DGKB: variants seen among roughly 807,000 people sequenced by gnomAD.
DGKB encodes 90 kDa diacylglycerol kinase.
In DGKB, 67 loss-of-function variants were observed where a neutral mutation model predicts 114.3. The observed-to-expected ratio is 0.59, with a 90% CI of 0.48 to 0.72. DGKB has a LOEUF of 0.72. Ranked by LOEUF, DGKB falls within the 30% of genes least tolerant of loss-of-function variation. DGKB has a pLI of 0.00. For synonymous variants in DGKB, 398 were observed against 323.1 expected (o/e 1.23, Z -2.49); for missense variants, 907 against 975.2 (o/e 0.93, Z 0.93).
intron 1 of DGKB, among the ~76,000 whole-genome samples, chr7:14,913,951 G>A (rs6946722): frequency 0.18 from 27,599 of 151,946 alleles, 2,852 homozygotes; most frequent in African/African-American, 0.28. Flanking sequence ...GCTTACCTAG[G>A]AAAAAACACT....
At chr7:14,273,464 C>T (rs981338789) in intron 23 of DGKB, among the ~76,000 whole-genome samples, 4 of 152,118 alleles carry the variant, frequency 2.6e-5, no homozygotes, top group Admixed American at 6.5e-5. Context: ...AAATGATGTA[C>T]ATATGTAGTT....
intron 2 of DGKB, among the ~76,000 whole-genome samples, chr7:14,832,518 T>C (rs941866277): frequency 2.0e-5 from 3 of 152,048 alleles, no homozygotes; most frequent in African/African-American, 7.2e-5. Flanking sequence ...TCTATTATTG[T>C]TTTTTAAAAA....
At chr7:14,339,208 TAA>T (rs35265569) in intron 22 of DGKB, among the ~76,000 whole-genome samples, 1 of 142,048 alleles carries the variant, frequency 7.0e-6, no homozygotes. Context: ...AGACTTTTGC[TAA>T]AAAAAAAAAA....
At chr7:14,788,108 C>T (rs1412245664) in intron 2 of DGKB, among the ~76,000 whole-genome samples, 2 of 152,224 alleles carry the variant, frequency 1.3e-5, no homozygotes, top group Admixed American at 1.3e-4. Context: ...AGGGTATCCT[C>T]TGGTACCTTT....
chr7:14,679,726 AGTT>A (rs1301154676), intron 12 of DGKB, among the ~76,000 whole-genome samples: 12 of 152,036 alleles, frequency 7.9e-5, no homozygotes, highest in Non-Finnish European at 1.8e-4. Context: ...AAGTACATTC[AGTT>A]GTTTAAAGGC....
chr7:14,742,391 TA>T (rs1284812471), intron 4 of DGKB, among the ~76,000 whole-genome samples: 1 of 152,240 alleles, frequency 6.6e-6, no homozygotes, highest in Non-Finnish European at 1.5e-5. Flanking sequence ...TTAGATCAAA[TA>T]TTTTTTCAAG....
At position 14,452,787 on chromosome 7, in the gene DGKB, T is replaced by A. The variant is rs1831718993; in HGVS notation, c.1835+25374A>T. On this transcript the variant is annotated intron_variant, in intron 21 of 25. Transcript: ENST00000402815. The stretch of plus-strand genomic sequence containing the variant: ...AATGCATTGTTTGGAAATTTTGTTA[T>A]TGTGCAAATATCATAGAGTGTACTT... Among the ~76,000 whole-genome samples, 4 of 152,260 alleles carry A rather than the reference T, an allele frequency of 2.6e-5. No individual in the cohort carries two copies. In the South Asian group the frequency reaches 8.3e-4, roughly 31 times the overall value.
intron 21 of DGKB, among the ~76,000 whole-genome samples, chr7:14,348,381 T>G (rs2128599964): frequency 6.6e-6 from 1 of 152,152 alleles, no homozygotes; most frequent in African/African-American, 2.4e-5. Context: ...AAAGGACTAG[T>G]ATTTAGAATA....
intron 2 of DGKB, among the ~76,000 whole-genome samples, chr7:14,800,139 A>G (rs962697418): frequency 6.6e-6 from 1 of 152,060 alleles, no homozygotes; most frequent in Non-Finnish European, 1.5e-5. Context: ...GATGGTCTCA[A>G]TCTCTTGACC....
chr7:14,183,812 G>T (rs1782986893), intron 23 of DGKB, among the ~76,000 whole-genome samples: 1 of 152,172 alleles, frequency 6.6e-6, no homozygotes, highest in Non-Finnish European at 1.5e-5. Flanking sequence ...ACAGGAGGCA[G>T]GACTAGATTG....
At chr7:14,902,345 A>T (rs1783226935) in intron 1 of DGKB, among the ~76,000 whole-genome samples, 1 of 152,194 alleles carries the variant, frequency 6.6e-6, no homozygotes, top group African/African-American at 2.4e-5. Flanking sequence ...ATGTTGCCCA[A>T]AATCACAATG....
At chr7:14,894,721 AG>A (rs1781834794) in intron 1 of DGKB, among the ~76,000 whole-genome samples, 1 of 151,570 alleles carries the variant, frequency 6.6e-6, no homozygotes. Context: ...GGACAAAAAA[AG>A]CATTAATAGC....
At chr7:14,725,427 T>A (rs1219818529) in intron 5 of DGKB, among the ~76,000 whole-genome samples, 2 of 152,102 alleles carry the variant, frequency 1.3e-5, no homozygotes, top group Admixed American at 1.3e-4. Context: ...CCACCACATA[T>A]TAAAAGAGCC....
At chr7:14,335,431 A>C (rs1810470477) in intron 23 of DGKB, among the ~76,000 whole-genome samples, 1 of 152,114 alleles carries the variant, frequency 6.6e-6, no homozygotes, top group Admixed American at 6.5e-5. Flanking sequence ...TATGAAAGCA[A>C]GTATCTATTT....
chr7:14,842,459 T>A (rs544665256), intron 1 of DGKB, among the ~76,000 whole-genome samples: 1 of 152,318 alleles, frequency 6.6e-6, no homozygotes, highest in African/African-American at 2.4e-5. Context: ...GGGGAAATGA[T>A]GATATTGATG....
At chr7:14,539,713 T>C (rs534234724) in intron 20 of DGKB, among the ~76,000 whole-genome samples, 2 of 152,230 alleles carry the variant, frequency 1.3e-5, no homozygotes, top group South Asian at 4.1e-4. Flanking sequence ...CAGCACACTA[T>C]AAAGGCTTAC....
rs76665678 is a variant in DGKB at position 14,869,622 on chromosome 7, T to C, written c.-187-28172A>G. On this transcript the variant is annotated intron_variant, in intron 1 of 25. Transcript: ENST00000402815. Reference sequence around the variant, plus strand: ...AATCATACTTCAACAAAAGCTTTTCTGTCAGTTTATTCTCACTGAACTATG... The same window carrying C: ...AATCATACTTCAACAAAAGCTTTTCCGTCAGTTTATTCTCACTGAACTATG... 4.3e-3 allele frequency among the ~76,000 whole-genome samples: 657 copies of C among 152,300 alleles called. 4 individuals are homozygous for C. The highest frequency in any genetic ancestry group is 0.015 in the African/African-American group (621 of 41,584).
At chr7:14,223,604 T>G (rs1460251126) in intron 23 of DGKB, among the ~76,000 whole-genome samples, 1 of 151,860 alleles carries the variant, frequency 6.6e-6, no homozygotes, top group East Asian at 1.9e-4. Flanking sequence ...CCTTTTGTAT[T>G]ATAATGTGGA....
At chr7:14,324,430 G>A (rs1449263378) in intron 23 of DGKB, among the ~76,000 whole-genome samples, 1 of 135,696 alleles carries the variant, frequency 7.4e-6, no homozygotes, top group Non-Finnish European at 1.5e-5. Flanking sequence ...CTGGGTGACA[G>A]AGTGAGACTC....
Sources: gnomAD v4.1 joint callset for allele counts (sites outside exome capture counted in the v4.1 genomes callset) on GRCh38, gnomAD v4.1.1 for gene constraint, MANE v1.5 for transcripts, NCBI Gene and HGNC (gene_info 2026-07-23, HGNC 2026-07-21) for gene names.